DTX1: variants seen among roughly 807,000 people sequenced by gnomAD.
The protein encoded by DTX1 is deltex E3 ubiquitin ligase 1.
Under a neutral mutation model 57.8 loss-of-function variants are expected in DTX1, and 26 were observed. The ratio of observed to expected loss-of-function variants is 0.45; its 90% CI spans 0.33 to 0.62. DTX1 has a LOEUF of 0.62. DTX1 is among the 20% of genes least tolerant of loss of function. DTX1 has a pLI of 0.02. For missense variants in DTX1, 704 were observed against 895.3 expected (o/e 0.79, Z 2.73); for synonymous variants, 398 against 394.1 (o/e 1.01, Z -0.12).
chr12:113,066,276 CCCAG>C (rs1391068951), intron 2 of DTX1, among the ~76,000 whole-genome samples: 2 of 152,010 alleles, frequency 1.3e-5, no homozygotes, highest in Non-Finnish European at 2.9e-5. Context: ...CATCTATAAT[CCCAG>C]CACTTTGGGA....
Position 113,077,302 on chromosome 12 carries a change from C to T in DTX1, c.260-122C>T, listed in dbSNP as rs2136058780. 7.1e-6 allele frequency: 8 copies of T among 1,132,560 alleles called. No homozygotes were observed. The South Asian group carries it at 1.1e-4, about 16-fold the overall frequency. The allele number at this position is 1,132,560 out of a possible 1,614,324, so 70.2% of individuals were successfully genotyped here. A position where few individuals can be genotyped will look rare whatever the true frequency, so the allele number is the denominator to read the frequency against. Reference sequence around the variant, plus strand: ...ACCCTCTCCCCAAGTCTGGGTGGACCCCCTGGAGGCCTGTGCTGACCCCCC... The same window carrying T: ...ACCCTCTCCCCAAGTCTGGGTGGACTCCCTGGAGGCCTGTGCTGACCCCCC... On this transcript the variant is annotated intron_variant, in intron 2 of 9. Coordinates refer to ENST00000548759, the MANE Select transcript of DTX1 (RefSeq NM_004416.3). The surrounding 1 kb of genome is among the most constrained non-coding windows in gnomAD (Gnocchi z 7.8).
At chr12:113,064,666 C>T (rs1305507398) in intron 2 of DTX1, among the ~76,000 whole-genome samples, 1 of 152,150 alleles carries the variant, frequency 6.6e-6, no homozygotes, top group Admixed American at 6.5e-5. Context: ...ATTTCCTCCT[C>T]TGTAAAATGG....
chr12:113,058,065 A>G lies in DTX1; in HGVS notation c.-128A>G. ...TCTCTAGGCCTCAGAGAGAACCCAG[A>G]GTTAGAAAGGAGGCCAGACGGTCCT... On this transcript the variant is annotated 5_prime_UTR_variant, in exon 2 of 10. Transcript: ENST00000548759. The G allele has an allele frequency of 7.1e-7, 1 of 1,402,254 alleles. No individual in the cohort carries two copies. Among genetic ancestry groups the G allele is most frequent in the Non-Finnish European group, 9.4e-7 (1 of 1,068,306 alleles). The allele number at this position is 1,402,254 out of a possible 1,614,324, so 86.9% of individuals were successfully genotyped here. A position where few individuals can be genotyped will look rare whatever the true frequency, so the allele number is the denominator to read the frequency against.
rs756758797 is a variant in DTX1 at position 113,077,530 on chromosome 12, T to C, written c.366T>C (p.Asp122=). Residue 122 remains aspartate, a synonymous_variant, in exon 3 of 10, where the codon GAT becomes GAC. Transcript: ENST00000548759. This position sits in a 1 kb window ranked among gnomAD's most constrained non-coding sequence, Gnocchi z 7.8. ...ENDGGAWTAY[D]MDICITIQNA... is the part of the protein sequence containing the mutation. ...ACGGCGGCGCATGGACGGCCTACGATATGGACATCTGCATCACCATCCAGA... is the reference window on the plus strand; with the variant it reads ...ACGGCGGCGCATGGACGGCCTACGACATGGACATCTGCATCACCATCCAGA... 6 of 1,608,818 alleles carry C rather than the reference T, an allele frequency of 3.7e-6. No individual in the cohort carries two copies. In the African/African-American group the frequency reaches 4.0e-5, roughly 11 times the overall value.
Position 113,077,681 on chromosome 12 carries a change from C to T in DTX1, c.517C>T (p.Leu173=), listed in dbSNP as rs1290439086. The change falls in exon 3 of 10, where the codon CTG becomes TTG. Residue 173 remains leucine (L), a synonymous_variant. Transcript: ENST00000548759. This position sits in a 1 kb window ranked among gnomAD's most constrained non-coding sequence, Gnocchi z 7.8. ...TRRRRRLRRR[L]DLAYPLTVGS... ...CCGGCGCCGCCGCCTGCGCCGCCGC[C>T]TGGACCTCGCCTACCCGCTCACCGT... 4 of 1,562,544 alleles carry T rather than the reference C, an allele frequency of 2.6e-6. No individual in the cohort carries two copies. The East Asian group carries it at 9.6e-5, about 37-fold the overall frequency.
rs1302542200 is a variant in DTX1 at position 113,095,221 on chromosome 12, C to T, written c.1548+18C>T. 1.9e-6 allele frequency: 3 copies of T among 1,604,410 alleles called. No homozygotes were observed. The highest frequency in any genetic ancestry group is 2.6e-6 in the Non-Finnish European group (3 of 1,172,672). On this transcript the variant is annotated intron_variant, in intron 8 of 9. Transcript: ENST00000548759. ...GCATCCAGGTGGGCTCCCCTTCCGC[C>T]TCTCTGGCCCCCAGCCCCCACACCC... is the stretch of plus-strand genomic sequence containing the variant.
At chr12:113,084,301 C>T (rs964251550) in intron 3 of DTX1, among the ~76,000 whole-genome samples, 4 of 152,218 alleles carry the variant, frequency 2.6e-5, no homozygotes, top group Non-Finnish European at 5.9e-5. Context: ...AGTTTCCACC[C>T]CACGTGGTGG....
Position 113,093,637 on chromosome 12 carries a change from G to T in DTX1, c.1102G>T (p.Val368Leu), listed in dbSNP as rs750267730. The stretch of plus-strand genomic sequence containing the variant: ...CCCGCCGCCCGTGAGCAAGAGCGAC[G>T]TGAAGCCCGTGCCTGGCGTGCCCGG... ...LHPPPVSKSDVKPVPGVPGVC... is the reference protein window; with the variant it reads ...LHPPPVSKSDLKPVPGVPGVC... Residue 368 changes from valine (V) to leucine (L), a missense_variant, in exon 5 of 10, where the codon GTG becomes TTG. By Grantham distance (32) the Val-to-Leu change is conservative (BLOSUM62 1). Coordinates refer to ENST00000548759, the MANE Select transcript of DTX1 (RefSeq NM_004416.3). This position sits in a 1 kb window ranked among gnomAD's most constrained non-coding sequence, Gnocchi z 4.2. The T allele has an allele frequency of 5.5e-5, 89 of 1,613,532 alleles. No individual in the cohort carries two copies. The highest frequency in any genetic ancestry group is 7.4e-5 in the Non-Finnish European group (87 of 1,179,904).
intron 3 of DTX1, among the ~76,000 whole-genome samples, chr12:113,085,129 A>G (rs2044847118): frequency 6.6e-6 from 1 of 151,700 alleles, no homozygotes; most frequent in Non-Finnish European, 1.5e-5. Flanking sequence ...CACTCACTGC[A>G]ACCTCCGCCT....
At chr12:113,059,625 C>T (rs972570860) in intron 2 of DTX1, among the ~76,000 whole-genome samples, 91 of 152,150 alleles carry the variant, frequency 6.0e-4, no homozygotes, top group African/African-American at 2.0e-3. Flanking sequence ...GGGGTCCTGC[C>T]GTGCAGAAGC....
intron 2 of DTX1, among the ~76,000 whole-genome samples, chr12:113,063,072 A>G (rs559991232): frequency 1.8e-4 from 28 of 152,340 alleles, no homozygotes; most frequent in African/African-American, 6.3e-4. Flanking sequence ...CTCGCTTCGC[A>G]GTACTGAGCC....
Position 113,096,941 on chromosome 12 carries a change from GCCCAAGGCTGCC to G in DTX1, c.*4_*15del. On this transcript the variant is annotated 3_prime_UTR_variant, in exon 10 of 10. Transcript: ENST00000548759. Reference sequence around the variant, plus strand: ...TCCGAGGCTGCAGCCAAGGCTTGAGGCCCAAGGCTGCCCACCTTCCCTCCTGCTTTGCCCCTG... The same window carrying G: ...TCCGAGGCTGCAGCCAAGGCTTGAGGCACCTTCCCTCCTGCTTTGCCCCTG... 1 of 1,605,282 alleles carries G rather than the reference GCCCAAGGCTGCC, an allele frequency of 6.2e-7. No homozygotes were observed. Among genetic ancestry groups the G allele is most frequent in the South Asian group, 1.1e-5 (1 of 90,662 alleles).
At chr12:113,094,670 C>A (rs1950272872) in intron 6 of DTX1, 119 bp from the exon 7 acceptor site, 1 of 1,327,084 alleles carries the variant, frequency 7.5e-7, no homozygotes. Context: ...TCTCCCTTTG[C>A]CAAATGGGTA....
chr12:113,081,938 G>T (rs1074161), intron 3 of DTX1, among the ~76,000 whole-genome samples: 3 of 152,022 alleles, frequency 2.0e-5, no homozygotes, highest in Admixed American at 6.5e-5. Flanking sequence ...CCTGGGCTTG[G>T]TGCTGCCATC....
Position 113,093,923 on chromosome 12 carries a change from C to T in DTX1, c.1166-115C>T, listed in dbSNP as rs1034490847. The T allele has an allele frequency of 1.3e-6, 2 of 1,487,838 alleles. No homozygotes were observed. Among genetic ancestry groups the T allele is most frequent in the East Asian group, 2.5e-5 (1 of 40,648 alleles). The allele number at this position is 1,487,838 out of a possible 1,614,324, so 92.2% of individuals were successfully genotyped here. On this transcript the variant is annotated intron_variant, in intron 5 of 9. Transcript: ENST00000548759. This position sits in a 1 kb window ranked among gnomAD's most constrained non-coding sequence, Gnocchi z 4.2. The stretch of plus-strand genomic sequence containing the variant: ...CTGGCCAACCCTTGCCAGCCTGACC[C>T]CGGCCAACCCTTGCCAGCCTGACCC...
intron 3 of DTX1, chr12:113,090,185 A>G (rs1950236608): frequency 6.6e-6 from 1 of 152,252 alleles, no homozygotes; most frequent in East Asian, 1.9e-4. Flanking sequence ...AAGAGGGGTG[A>G]GGCAGACCTA....
chr12:113,077,543 A>G lies in DTX1; in HGVS notation c.379A>G (p.Ile127Val), dbSNP rs201845055. Residue 127 changes from isoleucine to valine, a missense_variant, in exon 3 of 10, where the codon ATC becomes GTC. This residue lies in a region of DTX1 where 237 missense variants were observed against 328.6 expected (regional missense o/e 0.72). Coordinates refer to ENST00000548759, the MANE Select transcript of DTX1 (RefSeq NM_004416.3). This position sits in a 1 kb window ranked among gnomAD's most constrained non-coding sequence, Gnocchi z 7.8. The part of the protein sequence containing the change: ...AWTAYDMDIC[I>V]TIQNAYEKQH... ...GACGGCCTACGATATGGACATCTGC[A>G]TCACCATCCAGAACGCCTACGAGAA... 10 of 1,613,854 alleles carry G rather than the reference A, an allele frequency of 6.2e-6. No individual in the cohort carries two copies. In the East Asian group the frequency reaches 2.2e-4, roughly 36 times the overall value.
chr12:113,090,095 A>G (rs1592853887), intron 3 of DTX1: 1 of 152,220 alleles, frequency 6.6e-6, no homozygotes, highest in African/African-American at 2.4e-5. Context: ...TGCATGCTCA[A>G]TATTTTTCTT....
At chr12:113,059,379 G>A (rs2044651575) in intron 2 of DTX1, among the ~76,000 whole-genome samples, 1 of 152,120 alleles carries the variant, frequency 6.6e-6, no homozygotes, top group Admixed American at 6.5e-5. Flanking sequence ...GTGGCTGGTA[G>A]CCCTGTGTGT....
Sources: allele counts gnomAD v4.1 joint callset (sites outside exome capture counted in the v4.1 genomes callset), GRCh38; gene constraint gnomAD v4.1.1; regional missense constraint gnomAD v4.1.1; non-coding constraint Gnocchi (gnomAD v3.1); transcripts MANE v1.5; gene names NCBI Gene and HGNC (gene_info 2026-07-23, HGNC 2026-07-21).